PCDHGA10: variants seen among roughly 807,000 people sequenced by gnomAD.
The protein encoded by PCDHGA10 is protocadherin gamma-A10.
Under a neutral mutation model 59.5 loss-of-function variants are expected in PCDHGA10, and 42 were observed. The ratio of observed to expected loss-of-function variants is 0.71; its 90% CI spans 0.55 to 0.91. The LOEUF is 0.91. Among genes scored for constraint, PCDHGA10 ranks in the 40% least tolerant of loss-of-function variants. The pLI is 0.00. For synonymous variants in PCDHGA10, 511 were observed against 517.2 expected (o/e 0.99, Z 0.16); for missense variants, 1,111 against 1,198.2 (o/e 0.93, Z 1.07).
At chr5:141,464,556 G>A (rs1158827360) in intron 1 of PCDHGA10, among the ~76,000 whole-genome samples, 4 of 151,990 alleles carry the variant, frequency 2.6e-5, no homozygotes, top group Admixed American at 6.6e-5. Flanking sequence ...TCCCCATCTT[G>A]CATTCCTACA....
chr5:141,432,378 C>A lies in PCDHGA10; in HGVS notation c.2436+16767C>A. On this transcript the variant is annotated intron_variant, in intron 1 of 3. Coordinates refer to ENST00000398610, the MANE Select transcript of PCDHGA10 (RefSeq NM_018913.3). This position sits in a 1 kb window ranked among gnomAD's most constrained non-coding sequence, Gnocchi z 6.0. ...GTGATGGCGCGGGACAACGGGCACC[C>A]GCCCCTCAGCAGCAACGTGTCGTTG... 6.2e-7 allele frequency: 1 copy of A among 1,614,234 alleles called. No individual in the cohort carries two copies. Among genetic ancestry groups the A allele is most frequent in the South Asian group, 1.1e-5 (1 of 91,082 alleles).
Position 141,491,935 on chromosome 5 carries a change from C to A in PCDHGA10, c.2437-2872C>A. 1 of 1,205,518 alleles carries A rather than the reference C, an allele frequency of 8.3e-7. No homozygotes were observed. Among genetic ancestry groups the A allele is most frequent in the South Asian group, 1.7e-5 (1 of 59,176 alleles). 74.7% of individuals were successfully genotyped at this position (1,205,518 alleles called of 1,614,324 possible). On this transcript the variant is annotated intron_variant, in intron 1 of 3. Transcript: ENST00000398610. The surrounding 1 kb of genome is among the most constrained non-coding windows in gnomAD (Gnocchi z 6.9). ...GACTGTGGGCGAGGGGAGGTGGGACCGACCCCCACCCCTACACTCAAAAAA... is the reference window on the plus strand; with the variant it reads ...GACTGTGGGCGAGGGGAGGTGGGACAGACCCCCACCCCTACACTCAAAAAA...
At chr5:141,470,862 G>T (rs1363111218) in intron 1 of PCDHGA10, among the ~76,000 whole-genome samples, 1 of 151,596 alleles carries the variant, frequency 6.6e-6, no homozygotes, top group Non-Finnish European at 1.5e-5. Context: ...TAAGTTTTTT[G>T]TTTGTTTGTT....
chr5:141,415,157 C>G lies in PCDHGA10; in HGVS notation c.1982C>G (p.Thr661Ser). 6.2e-7 allele frequency: 1 copy of G among 1,613,864 alleles called. No homozygotes were observed. Residue 661 changes from threonine to serine, a missense_variant, in exon 1 of 4, where the codon ACT (threonine) becomes AGT (serine). Coordinates refer to ENST00000398610, the MANE Select transcript of PCDHGA10 (RefSeq NM_018913.3). ...QDHGQPPLSA[T>S]VTLTVAVADS... ...CACGGCCAGCCCCCTCTCTCCGCCA[C>G]TGTCACGCTCACCGTGGCCGTGGCC... is the stretch of plus-strand genomic sequence containing the variant.
intron 3 of PCDHGA10, 77 bp downstream of exon 3, chr5:141,505,558 C>T (rs945428797): frequency 3.7e-6 from 6 of 1,605,016 alleles, no homozygotes; most frequent in African/African-American, 1.3e-5. Context: ...ACCATGCCCA[C>T]GGACTGGATG....
At chr5:141,428,286 A>G in intron 1 of PCDHGA10, 1 of 730,462 alleles carries the variant, frequency 1.4e-6, no homozygotes, top group Non-Finnish European at 2.4e-6. Flanking sequence ...ATTCCCAAGC[A>G]AAGCTGCAGA....
Position 141,511,313 on chromosome 5 carries a change from C to T in PCDHGA10, c.*140C>T. ...CCAAGGCCATGCTCCCCTTGGGAAA[C>T]AGAAACAAGTGCCCAGTCAGCACCT... On this transcript the variant is annotated 3_prime_UTR_variant, in exon 4 of 4. Transcript: ENST00000398610. 2 of 1,482,944 alleles carry T rather than the reference C, an allele frequency of 1.3e-6. No homozygotes were observed. The highest frequency in any genetic ancestry group is 2.3e-5 in the Admixed American group (1 of 43,596). 91.9% of individuals were successfully genotyped at this position (1,482,944 alleles called of 1,614,324 possible).
rs765634746 is a variant in PCDHGA10 at position 141,418,621 on chromosome 5, C to A, written c.2436+3010C>A. On this transcript the variant is annotated intron_variant, in intron 1 of 3. Transcript: ENST00000398610. Reference sequence around the variant, plus strand: ...TGTACAGGGTTAGCCTTCGGGAAGACGTGCCTCCAGGCACCTCCATCCTGA... The same window carrying A: ...TGTACAGGGTTAGCCTTCGGGAAGAAGTGCCTCCAGGCACCTCCATCCTGA... 8 of 1,614,034 alleles carry A rather than the reference C, an allele frequency of 5.0e-6. No individual in the cohort carries two copies. The East Asian group carries it at 1.8e-4, about 36-fold the overall frequency.
intron 2 of PCDHGA10, among the ~76,000 whole-genome samples, chr5:141,495,607 A>G (rs1484333463): frequency 1.3e-5 from 2 of 151,832 alleles, no homozygotes; most frequent in Admixed American, 1.3e-4. Flanking sequence ...TTCCGTCTTG[A>G]TTGCTGCACC....
chr5:141,488,606 C>T (rs781116401), intron 1 of PCDHGA10, among the ~76,000 whole-genome samples: 2 of 152,156 alleles, frequency 1.3e-5, no homozygotes, highest in Admixed American at 1.3e-4. Flanking sequence ...TTACAAGGTT[C>T]TTACTAATCT....
At chr5:141,426,621 C>G (rs984316174) in intron 1 of PCDHGA10, 1 of 392,280 alleles carries the variant, frequency 2.5e-6, no homozygotes, top group Non-Finnish European at 5.2e-6. Flanking sequence ...AGAGAATCCT[C>G]TAAATGTTTT....
Position 141,489,267 on chromosome 5 carries a change from C to G in PCDHGA10, c.2437-5540C>G. 6.4e-7 allele frequency: 1 copy of G among 1,553,302 alleles called. No homozygotes were observed. Among genetic ancestry groups the G allele is most frequent in the Non-Finnish European group, 8.7e-7 (1 of 1,149,864 alleles). The stretch of plus-strand genomic sequence containing the variant: ...TGGGGCCCAAGACACTCCCACAGCT[C>G]GCTGGGAAATGGCAAGTGCTGTGCA... On this transcript the variant is annotated intron_variant, in intron 1 of 3. Coordinates refer to ENST00000398610, the MANE Select transcript of PCDHGA10 (RefSeq NM_018913.3). The surrounding 1 kb of genome is among the most constrained non-coding windows in gnomAD (Gnocchi z 4.5).
intron 1 of PCDHGA10, among the ~76,000 whole-genome samples, chr5:141,456,572 C>T (rs958661783): frequency 6.6e-6 from 1 of 152,168 alleles, no homozygotes; most frequent in Non-Finnish European, 1.5e-5. Flanking sequence ...CCACATTTTC[C>T]CTGAGCCTGT....
chr5:141,466,683 A>G (rs1347308492), intron 1 of PCDHGA10, among the ~76,000 whole-genome samples: 1 of 152,170 alleles, frequency 6.6e-6, no homozygotes, highest in African/African-American at 2.4e-5. Context: ...CTTCCACTCA[A>G]GCTTCATCAT....
At chr5:141,430,743 T>C in intron 1 of PCDHGA10, 1 of 1,498,372 alleles carries the variant, frequency 6.7e-7, no homozygotes, top group Non-Finnish European at 8.9e-7. Flanking sequence ...TGAAAATAAT[T>C]CTGGAGGAAG....
At chr5:141,429,169 T>TACACACACACACACACACAAAC (rs2097191391) in intron 1 of PCDHGA10, 1 of 145,394 alleles carries the variant, frequency 6.9e-6, no homozygotes, top group East Asian at 2.0e-4. Flanking sequence ...ACATTGTTTA[T>TACACACACACACACACACAAAC]ACACACACAC....
rs780541121 is a variant in PCDHGA10 at position 141,477,533 on chromosome 5, G to A, written c.2437-17274G>A. ...TTACATTGAAGAAAACAACCTCCCCGGGGCTCCAATACTAAACCTAAGTGT... is the reference window on the plus strand; with the variant it reads ...TTACATTGAAGAAAACAACCTCCCCAGGGCTCCAATACTAAACCTAAGTGT... On this transcript the variant is annotated intron_variant, in intron 1 of 3. Coordinates refer to ENST00000398610, the MANE Select transcript of PCDHGA10 (RefSeq NM_018913.3). This position sits in a 1 kb window ranked among gnomAD's most constrained non-coding sequence, Gnocchi z 4.9. The A allele has an allele frequency of 6.2e-7, 1 of 1,614,010 alleles. No individual in the cohort carries two copies. The highest frequency in any genetic ancestry group is 1.1e-5 in the South Asian group (1 of 91,066).
intron 1 of PCDHGA10, among the ~76,000 whole-genome samples, chr5:141,452,803 A>G (rs1045171800): frequency 2.6e-5 from 4 of 152,186 alleles, no homozygotes; most frequent in African/African-American, 9.7e-5. Context: ...TTTTTGCTGT[A>G]GTTTGTTCAT....
intron 1 of PCDHGA10, among the ~76,000 whole-genome samples, chr5:141,472,561 T>C (rs1000220187): frequency 2.6e-5 from 4 of 151,632 alleles, no homozygotes; most frequent in African/African-American, 9.7e-5. Flanking sequence ...AATTATATTA[T>C]AAATGCTGCA....
Sources: gnomAD v4.1 joint callset for allele counts (sites outside exome capture counted in the v4.1 genomes callset) on GRCh38, gnomAD v4.1.1 for gene constraint, Gnocchi (gnomAD v3.1) non-coding constraint, MANE v1.5 for transcripts, NCBI Gene and HGNC (gene_info 2026-07-23, HGNC 2026-07-21) for gene names.